The following EFL1 variants were observed in gnomAD, a reference collection of about 807,000 sequenced individuals.
The protein encoded by EFL1 is elongation factor-like GTPase 1.
EFL1 carries 76 observed loss-of-function variants against 126.7 expected under a neutral mutation model. The observed-to-expected ratio is 0.60, with a 90% CI of 0.50 to 0.73. The LOEUF (loss-of-function observed/expected upper bound fraction) is 0.73, where lower values mean the gene tolerates loss of function less well. EFL1 is among the 30% of genes least tolerant of loss of function. EFL1 has a pLI of 0.00. For missense variants in EFL1, 1,128 were observed against 1,343.2 expected (o/e 0.84, Z 2.50); for synonymous variants, 410 against 448.4 (o/e 0.91, Z 1.08).
chr15:82,175,399 A>G (rs1165422427), intron 15 of EFL1, among the ~76,000 whole-genome samples: 1 of 152,246 alleles, frequency 6.6e-6, no homozygotes, highest in East Asian at 1.9e-4. Context: ...GGTGAGAAGC[A>G]GCACAAGAAC....
chr15:82,214,836 G>A lies in EFL1; in HGVS notation c.1631C>T (p.Ala544Val). 1.9e-6 allele frequency: 3 copies of A among 1,589,494 alleles called. No homozygotes were observed. Among genetic ancestry groups the A allele is most frequent in the South Asian group, 1.1e-5 (1 of 87,210 alleles). Residue 544 changes from alanine (A) to valine (V), a missense_variant, in exon 15 of 20, where the codon GCT (alanine) becomes GTT (valine). This residue lies in a region of EFL1 where 120 missense variants were observed against 142.1 expected (regional missense o/e 0.84). Transcript: ENST00000268206. ...GACTTGGGGGAGGCCATCTGGTGGA[G>A]CTGAGAAGCCTAATGGTACCTGGGC... ...FLRRVPLGFS[A>V]PPDGLPQVPH...
rs553387088 is a variant in EFL1 at position 82,157,695 on chromosome 15, C to T, written c.2030+18G>A. ...ATTGAGAGCTATCATTTCTCCATCGCTATCATTTTCACCTAACCTTTCTTT... is the reference window on the plus strand; with the variant it reads ...ATTGAGAGCTATCATTTCTCCATCGTTATCATTTTCACCTAACCTTTCTTT... On this transcript the variant is annotated intron_variant, in intron 17 of 19. Coordinates refer to ENST00000268206, the MANE Select transcript of EFL1 (RefSeq NM_024580.6). 4 of 1,602,498 alleles carry T rather than the reference C, an allele frequency of 2.5e-6. No homozygotes were observed. Among genetic ancestry groups the T allele is most frequent in the East Asian group, 2.2e-5 (1 of 44,608 alleles).
chr15:82,233,359 TGCAA>T (rs377181104), intron 7 of EFL1, among the ~76,000 whole-genome samples: 25 of 152,340 alleles, frequency 1.6e-4, no homozygotes, highest in African/African-American at 6.0e-4. Flanking sequence ...ACAGAGTAAC[TGCAA>T]GCAAGATTCT....
intron 12 of EFL1, among the ~76,000 whole-genome samples, chr15:82,223,216 C>G (rs2074729647): frequency 6.6e-6 from 1 of 151,402 alleles, no homozygotes; most frequent in Non-Finnish European, 1.5e-5. Context: ...GCTATCAAAC[C>G]AACTTCCAAT....
intron 6 of EFL1, among the ~76,000 whole-genome samples, chr15:82,239,637 C>T (rs1485421346): frequency 1.3e-5 from 2 of 152,294 alleles, no homozygotes; most frequent in African/African-American, 4.8e-5. Context: ...ATCCTTTTTC[C>T]CATCTCTTGT....
intron 15 of EFL1, among the ~76,000 whole-genome samples, chr15:82,199,326 A>G (rs2074442721): frequency 6.6e-6 from 1 of 150,388 alleles, no homozygotes; most frequent in South Asian, 2.1e-4. Flanking sequence ...AAAGAGAGAG[A>G]GAGAAAGAGA....
chr15:82,181,496 A>G (rs1283188767), intron 15 of EFL1, among the ~76,000 whole-genome samples: 4 of 152,200 alleles, frequency 2.6e-5, no homozygotes, highest in Admixed American at 6.5e-5. Flanking sequence ...CTTGCTTTAA[A>G]ACAACTTGCC....
intron 14 of EFL1, among the ~76,000 whole-genome samples, chr15:82,215,857 T>A (rs916093725): frequency 6.6e-6 from 1 of 152,162 alleles, no homozygotes; most frequent in African/African-American, 2.4e-5. Flanking sequence ...ACATGTTACA[T>A]CTAAATGTAT....
chr15:82,256,040 TAGAC>T (rs1287884881), intron 3 of EFL1, among the ~76,000 whole-genome samples: 1 of 152,228 alleles, frequency 6.6e-6, no homozygotes, highest in Non-Finnish European at 1.5e-5. Context: ...ATTTAAAAAA[TAGAC>T]AGCCAATACG....
chr15:82,141,284 T>C (rs762651235), intron 18 of EFL1, among the ~76,000 whole-genome samples: 1 of 152,210 alleles, frequency 6.6e-6, no homozygotes, highest in Non-Finnish European at 1.5e-5. Context: ...TAGTTATATA[T>C]TATTTGTCTG....
At chr15:82,193,310 G>C (rs1182213297) in intron 15 of EFL1, among the ~76,000 whole-genome samples, 2 of 152,158 alleles carry the variant, frequency 1.3e-5, no homozygotes, top group Non-Finnish European at 1.5e-5. Flanking sequence ...ACCACCATCA[G>C]ATATTAGACA....
Position 82,142,846 on chromosome 15 carries a change from C to T in EFL1, c.2990-4004G>A, listed in dbSNP as rs74868581. On this transcript the variant is annotated intron_variant, in intron 18 of 19. Coordinates refer to ENST00000268206, the MANE Select transcript of EFL1 (RefSeq NM_024580.6). ...AACCTAGAATACTCTTAGTCCAACCCTATATTCAAATCCTTTTCATCATTC... is the reference window on the plus strand; with the variant it reads ...AACCTAGAATACTCTTAGTCCAACCTTATATTCAAATCCTTTTCATCATTC... 1.6e-4 allele frequency among the ~76,000 whole-genome samples: 25 copies of T among 152,262 alleles called. 1 individual carries two copies. The East Asian group carries it at 2.3e-3, about 14-fold the overall frequency.
At chr15:82,196,330 CCTCT>C (rs2074407882) in intron 15 of EFL1, among the ~76,000 whole-genome samples, 1 of 152,180 alleles carries the variant, frequency 6.6e-6, no homozygotes, top group African/African-American at 2.4e-5. Context: ...GGAGACCCAG[CCTCT>C]CTGTGAGTCT....
chr15:82,232,037 C>T (rs934088581), intron 7 of EFL1, among the ~76,000 whole-genome samples: 1 of 152,130 alleles, frequency 6.6e-6, no homozygotes, highest in Non-Finnish European at 1.5e-5. Flanking sequence ...TTTATAAATA[C>T]CCAGTTTTGC....
intron 4 of EFL1, among the ~76,000 whole-genome samples, chr15:82,248,086 TG>T (rs1167211810): frequency 6.6e-6 from 1 of 152,074 alleles, no homozygotes; most frequent in African/African-American, 2.4e-5. Context: ...ACTCCATTTT[TG>T]CACATGTGTA....
At chr15:82,255,831 C>T (rs1260501315) in intron 3 of EFL1, among the ~76,000 whole-genome samples, 1 of 152,188 alleles carries the variant, frequency 6.6e-6, no homozygotes, top group Non-Finnish European at 1.5e-5. Flanking sequence ...CAGGTTACAA[C>T]ACATCAACAC....
intron 3 of EFL1, among the ~76,000 whole-genome samples, chr15:82,258,135 C>T (rs894796325): frequency 6.6e-6 from 1 of 152,174 alleles, no homozygotes; most frequent in Admixed American, 6.5e-5. Context: ...ACCTGATAAA[C>T]CCTATTGATC....
intron 15 of EFL1, among the ~76,000 whole-genome samples, chr15:82,200,629 G>C (rs1279580361): frequency 6.6e-6 from 1 of 152,142 alleles, no homozygotes; most frequent in Non-Finnish European, 1.5e-5. Context: ...AACACAGTGA[G>C]GGCAGGAAGA....
At chr15:82,218,560 A>C (rs138554104) in intron 14 of EFL1, among the ~76,000 whole-genome samples, 5 of 152,230 alleles carry the variant, frequency 3.3e-5, no homozygotes, top group Admixed American at 3.3e-4. Context: ...AAAAGGAAAA[A>C]ATTAACTGAT....
Sources: allele counts gnomAD v4.1 joint callset (sites outside exome capture counted in the v4.1 genomes callset), GRCh38; gene constraint gnomAD v4.1.1; regional missense constraint gnomAD v4.1.1; transcripts MANE v1.5; gene names NCBI Gene and HGNC (gene_info 2026-07-23, HGNC 2026-07-21).